PPP1R16B: variants seen among roughly 807,000 people sequenced by gnomAD.
PPP1R16B encodes protein phosphatase 1 regulatory inhibitor subunit 16B.
A neutral mutation model predicts 61.7 loss-of-function variants in PPP1R16B; 14 were observed. The observed-to-expected ratio is 0.23, with a 90% CI of 0.15 to 0.35. PPP1R16B has a LOEUF of 0.35. Ranked by LOEUF, PPP1R16B falls within the 10% of genes least tolerant of loss-of-function variation. The pLI is 1.00. For synonymous variants in PPP1R16B, 266 were observed against 305.3 expected (o/e 0.87, Z 1.34); for missense variants, 547 against 752.5 (o/e 0.73, Z 3.19).
intron 3 of PPP1R16B, 130 bp from the exon 4 acceptor site, chr20:38,895,435 T>C: frequency 2.7e-6 from 3 of 1,094,876 alleles, no homozygotes; most frequent in Non-Finnish European, 3.9e-6. Context: ...GTGAACATCA[T>C]GGAGCTGGAT....
chr20:38,886,240 A>C (rs1274307701), intron 2 of PPP1R16B, among the ~76,000 whole-genome samples: 1 of 152,200 alleles, frequency 6.6e-6, no homozygotes, highest in African/African-American at 2.4e-5. Context: ...GCCTTGGCTC[A>C]TGAGTACTAA....
rs537144339 is a variant in PPP1R16B, at chr20:38,917,866, C to T, written c.1195-291C>T. Among the ~76,000 whole-genome samples, 7 of 152,312 alleles carry T rather than the reference C, an allele frequency of 4.6e-5. 1 individual carries two copies. The South Asian group carries it at 1.4e-3, about 32-fold the overall frequency. ...TAGCAAAAGTCCCAGGGTTGCTTCA[C>T]TGAAGCAATTTCAGTTAAGAACTCA... On this transcript the variant is annotated intron_variant, in intron 10 of 10. Coordinates refer to ENST00000299824, the MANE Select transcript of PPP1R16B (RefSeq NM_015568.4).
Position 38,900,575 on chromosome 20 carries a change from CT to C in PPP1R16B, c.468-5del, listed in dbSNP as rs2085384096. The stretch of plus-strand genomic sequence containing the variant: ...CTTGGCCCTCACCCTGCCTCTTTCT[CT>C]GCAGTGGGGCCGACTTGCTTGCTGT... On this transcript the variant is annotated splice_polypyrimidine_tract_variant and splice_region_variant and intron_variant, in intron 4 of 10. Transcript: ENST00000299824. 6.3e-7 allele frequency: 1 copy of C among 1,598,892 alleles called. No homozygotes were observed. Among genetic ancestry groups the C allele is most frequent in the Admixed American group, 1.7e-5 (1 of 57,658 alleles).
chr20:38,896,161 CCCTT>C (rs1326818085), intron 4 of PPP1R16B, among the ~76,000 whole-genome samples: 4 of 89,948 alleles, frequency 4.4e-5, no homozygotes, highest in African/African-American at 9.8e-5. Context: ...CTTCCTCCCT[CCCTT>C]CCTTCCTTCT....
At chr20:38,903,950 G>C (rs1328147136) in intron 6 of PPP1R16B, among the ~76,000 whole-genome samples, 1 of 152,180 alleles carries the variant, frequency 6.6e-6, no homozygotes, top group African/African-American at 2.4e-5. Flanking sequence ...TTCCACGCTG[G>C]TCGTAAGCAC....
Position 38,907,716 on chromosome 20 carries a change from G to A in PPP1R16B, c.899-90G>A. On this transcript the variant is annotated intron_variant, in intron 8 of 10. Transcript: ENST00000299824. This position sits in a 1 kb window ranked among gnomAD's most constrained non-coding sequence, Gnocchi z 4.5. ...GAAAGATGCTTGGAGTTTTCAGTGG[G>A]TTGGGGTGGCAGCTCCTCTGGTCTG... 6.7e-7 allele frequency: 1 copy of A among 1,498,622 alleles called. No individual in the cohort carries two copies. Among genetic ancestry groups the A allele is most frequent in the Non-Finnish European group, 9.1e-7 (1 of 1,094,722 alleles). 92.8% of individuals were successfully genotyped at this position (1,498,622 alleles called of 1,614,324 possible).
intron 1 of PPP1R16B, among the ~76,000 whole-genome samples, chr20:38,810,180 C>T (rs184916711): frequency 6.6e-6 from 1 of 152,052 alleles, no homozygotes; most frequent in Non-Finnish European, 1.5e-5. Flanking sequence ...CAGCCCTAGC[C>T]GGGAGAACAG....
chr20:38,875,964 TTTGAAC>T (rs1460748213), intron 2 of PPP1R16B, among the ~76,000 whole-genome samples: 51 of 143,646 alleles, frequency 3.6e-4, no homozygotes, highest in African/African-American at 1.2e-3. Flanking sequence ...AGACTGTGGT[TTTGAAC>T]TTTTTTTTTT....
At chr20:38,819,007 C>A (rs1157184711) in intron 1 of PPP1R16B, among the ~76,000 whole-genome samples, 2 of 152,116 alleles carry the variant, frequency 1.3e-5, no homozygotes, top group East Asian at 3.9e-4. Context: ...AACTCCTGGG[C>A]TCAAGCCATC....
intron 1 of PPP1R16B, among the ~76,000 whole-genome samples, chr20:38,827,736 G>A (rs2084813211): frequency 6.6e-6 from 1 of 152,156 alleles, no homozygotes; most frequent in South Asian, 2.1e-4. Flanking sequence ...CAGGTATTTG[G>A]AGCACCAAGG....
At chr20:38,828,665 G>A (rs1473719829) in intron 1 of PPP1R16B, among the ~76,000 whole-genome samples, 1 of 152,350 alleles carries the variant, frequency 6.6e-6, no homozygotes, top group Admixed American at 6.5e-5. Context: ...CCAGTTCACA[G>A]ATTGTGAGAA....
intron 2 of PPP1R16B, among the ~76,000 whole-genome samples, chr20:38,844,280 C>A (rs989745684): frequency 6.6e-6 from 1 of 152,144 alleles, no homozygotes; most frequent in Non-Finnish European, 1.5e-5. Context: ...ACTGTAAGTT[C>A]GTGGTAGCTA....
chr20:38,893,447 G>A (rs142061622), intron 3 of PPP1R16B, among the ~76,000 whole-genome samples: 81 of 152,310 alleles, frequency 5.3e-4, no homozygotes, highest in African/African-American at 1.8e-3. Context: ...GGTCGAGGGT[G>A]TTAGGAAGGG....
chr20:38,813,764 CATCATTATTATT>C (rs1400077641), intron 1 of PPP1R16B, among the ~76,000 whole-genome samples: 8 of 132,770 alleles, frequency 6.0e-5, no homozygotes, highest in Admixed American at 1.6e-4. Context: ...TCATCATCAT[CATCATTATTATT>C]ATTATTATTA....
intron 2 of PPP1R16B, among the ~76,000 whole-genome samples, chr20:38,875,628 G>T (rs1568670303): frequency 1.3e-5 from 2 of 152,244 alleles, no homozygotes; most frequent in Non-Finnish European, 2.9e-5. Flanking sequence ...AGGAAGCAGG[G>T]TCTGGATAAA....
intron 2 of PPP1R16B, among the ~76,000 whole-genome samples, chr20:38,855,933 T>TAGAGAGAGAG (rs1362360833): frequency 2.1e-5 from 1 of 48,326 alleles, no homozygotes; most frequent in Non-Finnish European, 3.5e-5. Flanking sequence ...TATATATATA[T>TAGAGAGAGAG]ATATATATAT....
In PPP1R16B at chr20:38,884,786, C is replaced by T. The variant is rs562811161; in HGVS notation, c.251-4809C>T. Among the ~76,000 whole-genome samples, 8 of 151,138 alleles carry T rather than the reference C, an allele frequency of 5.3e-5. No homozygotes were observed. In the East Asian group the frequency reaches 1.6e-3, roughly 30 times the overall value. On this transcript the variant is annotated intron_variant, in intron 2 of 10. Coordinates refer to ENST00000299824, the MANE Select transcript of PPP1R16B (RefSeq NM_015568.4). The stretch of plus-strand genomic sequence containing the variant: ...GGCCCTGTCTCTTAAAAAAAGAAGG[C>T]GGCGGACAGGCACAGCGGCTCACAC...
Position 38,907,096 on chromosome 20 carries a change from A to G in PPP1R16B, c.898+42A>G. ...AGCTGGTGTGCACAAATAGGCAGTTATCAATGTTTTGATGGGTAGAGGGAG... is the reference window on the plus strand; with the variant it reads ...AGCTGGTGTGCACAAATAGGCAGTTGTCAATGTTTTGATGGGTAGAGGGAG... On this transcript the variant is annotated intron_variant, in intron 8 of 10. Transcript: ENST00000299824. The surrounding 1 kb of genome is among the most constrained non-coding windows in gnomAD (Gnocchi z 4.5). 3 of 1,504,104 alleles carry G rather than the reference A, an allele frequency of 2.0e-6. No homozygotes were observed. Among genetic ancestry groups the G allele is most frequent in the Non-Finnish European group, 2.8e-6 (3 of 1,079,908 alleles). The allele number at this position is 1,504,104 out of a possible 1,614,324, so 93.2% of individuals were successfully genotyped here. A position where few individuals can be genotyped will look rare whatever the true frequency, so the allele number is the denominator to read the frequency against.
chr20:38,822,226 CA>C (rs758324837), intron 1 of PPP1R16B, among the ~76,000 whole-genome samples: 1 of 151,614 alleles, frequency 6.6e-6, no homozygotes, highest in East Asian at 1.9e-4. Context: ...TGTTTATACT[CA>C]GAATTTGGGG....
Sources: gnomAD v4.1 joint callset for allele counts (sites outside exome capture counted in the v4.1 genomes callset) on GRCh38, gnomAD v4.1.1 for gene constraint, Gnocchi (gnomAD v3.1) non-coding constraint, MANE v1.5 for transcripts, NCBI Gene and HGNC (gene_info 2026-07-23, HGNC 2026-07-21) for gene names.